Variants in ZBTB10 observed in about 807,000 individuals in gnomAD.
ZBTB10 encodes the protein zinc finger and BTB domain containing 10.
A neutral mutation model predicts 76.4 loss-of-function variants in ZBTB10; 32 were observed. The ratio of observed to expected loss-of-function variants is 0.42; its 90% CI spans 0.32 to 0.56. The LOEUF (loss-of-function observed/expected upper bound fraction) is 0.56. Among genes scored for constraint, ZBTB10 ranks in the 20% least tolerant of loss-of-function variants. The pLI, the probability that ZBTB10 is intolerant of heterozygous loss-of-function variation, is 0.14. For missense variants in ZBTB10, 1,057 were observed against 1,098.5 expected (o/e 0.96, Z 0.53); for synonymous variants, 523 against 432.9 (o/e 1.21, Z -2.58).
At chr8:80,490,781 A>C (rs1189584261) in intron 1 of ZBTB10, among the ~76,000 whole-genome samples, 1 of 152,204 alleles carries the variant, frequency 6.6e-6, no homozygotes, top group African/African-American at 2.4e-5. Flanking sequence ...TTTCTCAAAG[A>C]GTCCCGTTTC....
intron 1 of ZBTB10, among the ~76,000 whole-genome samples, chr8:80,497,912 C>A (rs531243715): frequency 6.6e-6 from 1 of 152,168 alleles, no homozygotes; most frequent in African/African-American, 2.4e-5. Context: ...ATCTACCCAC[C>A]TCAGCCTTTC....
chr8:80,491,843 A>G (rs1002583539), intron 1 of ZBTB10, among the ~76,000 whole-genome samples: 4 of 152,134 alleles, frequency 2.6e-5, no homozygotes, highest in African/African-American at 9.7e-5. Context: ...CATCCTGTCA[A>G]CTCTTCCTGG....
upstream of ZBTB10, chr8:80,485,945 G>A (rs572418985): frequency 6.0e-6 from 9 of 1,493,874 alleles, no homozygotes; most frequent in East Asian, 7.5e-5. Flanking sequence ...TGTCCTCCGC[G>A]TAGCCCGGCC....
intron 2 of ZBTB10, among the ~76,000 whole-genome samples, chr8:80,500,657 C>T (rs557200321): frequency 6.6e-6 from 1 of 152,128 alleles, no homozygotes; most frequent in African/African-American, 2.4e-5. Flanking sequence ...ATGTACGGGT[C>T]TTTGACTTTC....
At chr8:80,490,410 G>A (rs419691) in intron 1 of ZBTB10, among the ~76,000 whole-genome samples, 132 of 152,094 alleles carry the variant, frequency 8.7e-4, no homozygotes, top group Middle Eastern at 6.8e-3. Flanking sequence ...TAATTTTTAA[G>A]TTTTTTGTTG....
chr8:80,513,389 C>T (rs1326677539), intron 2 of ZBTB10, among the ~76,000 whole-genome samples: 1 of 152,186 alleles, frequency 6.6e-6, no homozygotes, highest in Non-Finnish European at 1.5e-5. Context: ...GTGATCTGCC[C>T]ACCTCAGCTT....
Position 80,499,831 on chromosome 8 carries a change from T to C in ZBTB10, c.1310T>C (p.Ile437Thr). The C allele has an allele frequency of 6.2e-7, 1 of 1,614,020 alleles. No individual in the cohort carries two copies. Among genetic ancestry groups the C allele is most frequent in the Non-Finnish European group, 8.5e-7 (1 of 1,179,876 alleles). Reference protein sequence around the residue: ...GNLVLTSQNAIEVMTVASYLQ... With the variant: ...GNLVLTSQNATEVMTVASYLQ... ...CTGGTGCTCACAAGCCAAAATGCCATTGAAGTTATGACCGTGGCCAGCTAT... is the reference window on the plus strand; with the variant it reads ...CTGGTGCTCACAAGCCAAAATGCCACTGAAGTTATGACCGTGGCCAGCTAT... The change falls in exon 2 of 6, where the codon ATT becomes ACT. Residue 437 changes from isoleucine (I) to threonine (T), a missense_variant. Physicochemically the swap from Ile to Thr is moderately conservative, Grantham distance 89. Around this residue, in one of 5 missense-constraint regions of ZBTB10, gnomAD observed 86 missense variants for 145.7 expected, o/e 0.59. Coordinates refer to ENST00000455036, the MANE Select transcript of ZBTB10 (RefSeq NM_001105539.3).
At chr8:80,519,081 G>A (rs1816397270) in intron 5 of ZBTB10, 127 bp downstream of exon 5, 1 of 1,406,556 alleles carries the variant, frequency 7.1e-7, no homozygotes, top group Non-Finnish European at 9.4e-7. Context: ...TAAACAGTTT[G>A]ACTTTATGAA....
intron 3 of ZBTB10, 116 bp from the exon 4 acceptor site, chr8:80,518,287 T>C: frequency 1.0e-6 from 1 of 990,770 alleles, no homozygotes; most frequent in Non-Finnish European, 1.4e-6. Flanking sequence ...ATTTAACTCA[T>C]ACTATGAAAT....
chr8:80,514,092 C>A (rs1816267429), intron 3 of ZBTB10, 84 bp downstream of exon 3: 5 of 1,229,398 alleles, frequency 4.1e-6, no homozygotes, highest in Non-Finnish European at 5.8e-6. Flanking sequence ...AATTTCTCTT[C>A]CATAAGGGGG....
At chr8:80,514,131 A>G (rs1261431843) in intron 3 of ZBTB10, 123 bp downstream of exon 3, 27 of 781,148 alleles carry the variant, frequency 3.5e-5, no homozygotes, top group South Asian at 8.9e-5. Context: ...CTTTCAATCT[A>G]TGGTAGCTAT....
chr8:80,485,668 A>G, upstream of ZBTB10: 1 of 875,114 alleles, frequency 1.1e-6, no homozygotes, highest in Non-Finnish European at 1.7e-6. Flanking sequence ...CAATGCATCA[A>G]AGGAGGTTGT....
chr8:80,499,620 A>G lies in ZBTB10; in HGVS notation c.1099A>G (p.Ser367Gly). 1.2e-6 allele frequency: 2 copies of G among 1,613,980 alleles called. No homozygotes were observed. The highest frequency in any genetic ancestry group is 4.5e-5 in the East Asian group (2 of 44,884). The stretch of plus-strand genomic sequence containing the variant: ...AAAGAAAGGTATTCTTTGTGATGTC[A>G]GCATTGTGGTAAGCGGAAAAATCTT... ...QRKKGILCDV[S>G]IVVSGKIFKA... Residue 367 changes from serine (S) to glycine (G), a missense_variant, in exon 2 of 6, where the codon AGC becomes GGC. Transcript: ENST00000455036.
At chr8:80,516,678 C>T (rs546766473) in intron 3 of ZBTB10, among the ~76,000 whole-genome samples, 4 of 152,174 alleles carry the variant, frequency 2.6e-5, no homozygotes, top group Admixed American at 1.3e-4. Context: ...AAACCGGTGA[C>T]GGTATTCCAA....
rs141201532 is a variant in ZBTB10 at position 80,496,763 on chromosome 8, C to T, written c.973-2731C>T. Among the ~76,000 whole-genome samples, 6 of 152,288 alleles carry T rather than the reference C, an allele frequency of 3.9e-5. No homozygotes were observed. In the East Asian group the frequency reaches 1.2e-3, roughly 29 times the overall value. Reference sequence around the variant, plus strand: ...TGTTTTCAACTGCTTGATATACGGACTTTAGGCAGTTCTTGACTTGTACAT... The same window carrying T: ...TGTTTTCAACTGCTTGATATACGGATTTTAGGCAGTTCTTGACTTGTACAT... On this transcript the variant is annotated intron_variant, in intron 1 of 5. Transcript: ENST00000455036.
intron 1 of ZBTB10, among the ~76,000 whole-genome samples, chr8:80,493,188 T>G (rs916921521): frequency 4.5e-5 from 6 of 133,612 alleles, no homozygotes; most frequent in South Asian, 2.4e-4. Context: ...AGACTGTGCC[T>G]CAAAACGCGC....
At chr8:80,501,864 A>G (rs1021925392) in intron 2 of ZBTB10, among the ~76,000 whole-genome samples, 9 of 152,352 alleles carry the variant, frequency 5.9e-5, no homozygotes, top group Admixed American at 5.2e-4. Flanking sequence ...GTCTTAATGT[A>G]GAAGACCTTG....
chr8:80,491,419 C>T (rs1452426236), intron 1 of ZBTB10, among the ~76,000 whole-genome samples: 2 of 152,160 alleles, frequency 1.3e-5, no homozygotes, highest in Non-Finnish European at 2.9e-5. Flanking sequence ...ATATCCCTCT[C>T]GTTAAGTGAT....
At chr8:80,515,335 G>T (rs1343933827) in intron 3 of ZBTB10, among the ~76,000 whole-genome samples, 2 of 152,152 alleles carry the variant, frequency 1.3e-5, no homozygotes, top group Non-Finnish European at 1.5e-5. Context: ...AAGTTGGTGA[G>T]AACAGAGACA....
Sources: allele counts gnomAD v4.1 joint callset (sites outside exome capture counted in the v4.1 genomes callset), GRCh38; gene constraint gnomAD v4.1.1; regional missense constraint gnomAD v4.1.1; transcripts MANE v1.5; gene names NCBI Gene and HGNC (gene_info 2026-07-23, HGNC 2026-07-21).